KCNT2: variants seen among roughly 807,000 people sequenced by gnomAD.
KCNT2 encodes the protein potassium channel subfamily T member 2.
Under a neutral mutation model 153.8 loss-of-function variants are expected in KCNT2, and 67 were observed. The ratio of observed to expected loss-of-function variants is 0.44; its 90% CI spans 0.36 to 0.53. The LOEUF is 0.53. Ranked by LOEUF, KCNT2 falls within the 20% of genes least tolerant of loss-of-function variation. KCNT2 has a pLI of 0.00. For synonymous variants in KCNT2, 500 were observed against 458.8 expected, an observed-to-expected ratio of 1.09 and a Z score of -1.15; for missense variants, 975 against 1,354.8, an observed-to-expected ratio of 0.72 and a Z score of 4.40.
chr1:196,387,583 G>T (rs765480581), intron 13 of KCNT2, among the ~76,000 whole-genome samples: 36 of 152,002 alleles, frequency 2.4e-4, no homozygotes, highest in Non-Finnish European at 4.4e-4. Context: ...TCAGTCACAT[G>T]ATACTAAGAA....
chr1:196,551,184 G>T (rs1265418600), intron 1 of KCNT2, among the ~76,000 whole-genome samples: 1 of 151,742 alleles, frequency 6.6e-6, no homozygotes, highest in Middle Eastern at 3.2e-3. Flanking sequence ...GATATCCTCT[G>T]GGATCATTAA....
chr1:196,233,243 T>A (rs541829412), intron 27 of KCNT2, among the ~76,000 whole-genome samples: 29 of 151,588 alleles, frequency 1.9e-4, no homozygotes, highest in African/African-American at 6.5e-4. Flanking sequence ...CTAGCTTAAA[T>A]TGTTATTCAT....
intron 22 of KCNT2, among the ~76,000 whole-genome samples, chr1:196,289,816 T>A (rs1442431684): frequency 6.6e-6 from 1 of 152,120 alleles, no homozygotes; most frequent in African/African-American, 2.4e-5. Flanking sequence ...CTGAATTCAA[T>A]TGAAGTTTTA....
intron 19 of KCNT2, among the ~76,000 whole-genome samples, chr1:196,320,809 A>G (rs1166143335): frequency 1.3e-5 from 2 of 151,810 alleles, no homozygotes; most frequent in African/African-American, 4.8e-5. Flanking sequence ...ATGACCCAAT[A>G]GTATTACATC....
intron 22 of KCNT2, 81 bp downstream of exon 22, chr1:196,305,153 G>T: frequency 1.2e-6 from 1 of 810,888 alleles, no homozygotes; most frequent in Non-Finnish European, 2.1e-6. Flanking sequence ...CTATCTCATG[G>T]CATTTTTTTT....
At chr1:196,234,808 G>A (rs937843301) in intron 27 of KCNT2, among the ~76,000 whole-genome samples, 3 of 151,382 alleles carry the variant, frequency 2.0e-5, no homozygotes, top group Admixed American at 6.6e-5. Flanking sequence ...CTGGATTACA[G>A]ACACAAACAC....
chr1:196,530,705 A>G (rs1654823626), intron 1 of KCNT2, among the ~76,000 whole-genome samples: 1 of 152,142 alleles, frequency 6.6e-6, no homozygotes, highest in Admixed American at 6.5e-5. Context: ...CTGCATATGT[A>G]ATATAAATAC....
intron 2 of KCNT2, among the ~76,000 whole-genome samples, chr1:196,491,923 C>T (rs1001942533): frequency 6.6e-6 from 1 of 151,884 alleles, no homozygotes; most frequent in Non-Finnish European, 1.5e-5. Flanking sequence ...TTTGAAAATA[C>T]GATATTTAGA....
rs1442399376 is a variant in KCNT2, at chr1:196,284,259, A to ATG, written c.2697+1397_2697+1398insCA. On this transcript the variant is annotated intron_variant, in intron 23 of 27. Coordinates refer to ENST00000294725, the MANE Select transcript of KCNT2 (RefSeq NM_198503.5). Reference sequence around the variant, plus strand: ...AAAAAAAAAAAAAAAATATATATATATATATATATATATATATATAGTTCT... The same window carrying ATG: ...AAAAAAAAAAAAAAAATATATATATATGTATATATATATATATATATAGTTCT... Among the ~76,000 whole-genome samples, 14 of 70,264 alleles carry ATG rather than the reference A, an allele frequency of 2.0e-4. 2 individuals carry two copies. The highest frequency in any genetic ancestry group is 4.4e-4 in the African/African-American group (12 of 27,058). 46.1% of individuals were successfully genotyped at this position (70,264 alleles called of 152,430 possible). A position where few individuals can be genotyped will look rare whatever the true frequency, so the allele number is the denominator to read the frequency against.
intron 1 of KCNT2, among the ~76,000 whole-genome samples, chr1:196,512,010 C>G (rs1681674977): frequency 6.6e-6 from 1 of 152,120 alleles, no homozygotes; most frequent in Admixed American, 6.6e-5. Context: ...TTAACCAATT[C>G]CACCTCTCCA....
intron 22 of KCNT2, 86 bp from the exon 23 acceptor site, chr1:196,285,844 A>G: frequency 1.4e-6 from 1 of 738,792 alleles, no homozygotes; most frequent in Non-Finnish European, 2.4e-6. Flanking sequence ...GACATACGTA[A>G]AAAGTTCTCA....
intron 1 of KCNT2, among the ~76,000 whole-genome samples, chr1:196,503,534 A>G (rs538780139): frequency 6.6e-6 from 1 of 152,214 alleles, no homozygotes; most frequent in Non-Finnish European, 1.5e-5. Flanking sequence ...TCAAATGGGA[A>G]TATTTCACTA....
intron 25 of KCNT2, among the ~76,000 whole-genome samples, chr1:196,263,471 CACTGCG>C (rs1571839547): frequency 6.6e-6 from 1 of 151,998 alleles, no homozygotes; most frequent in East Asian, 1.9e-4. Context: ...GAACATCACA[CACTGCG>C]CCCTGTCATA....
Position 196,298,022 on chromosome 1 carries a change from A to G in KCNT2, c.2595+7212T>C, listed in dbSNP as rs549314507. Among the ~76,000 whole-genome samples the G allele has an allele frequency of 7.9e-5, 12 of 152,318 alleles. No homozygotes were observed. The South Asian group carries it at 2.3e-3, about 29-fold the overall frequency. ...TGCCTTCTTACTATTCTATAGTGAA[A>G]ATATATTGAAAAAATGACATTTTTA... On this transcript the variant is annotated intron_variant, in intron 22 of 27. Transcript: ENST00000294725.
At chr1:196,287,424 G>A (rs564746230) in intron 22 of KCNT2, among the ~76,000 whole-genome samples, 5 of 150,488 alleles carry the variant, frequency 3.3e-5, no homozygotes, top group African/African-American at 1.2e-4. Flanking sequence ...AGAATTTGAT[G>A]TTACATTTAC....
At chr1:196,498,891 C>T (rs987665028) in intron 1 of KCNT2, among the ~76,000 whole-genome samples, 1 of 152,140 alleles carries the variant, frequency 6.6e-6, no homozygotes, top group African/African-American at 2.4e-5. Flanking sequence ...TGAATTATGT[C>T]CCCCTAAAAG....
intron 1 of KCNT2, among the ~76,000 whole-genome samples, chr1:196,570,534 A>G (rs891927249): frequency 3.3e-5 from 5 of 152,106 alleles, no homozygotes; most frequent in African/African-American, 1.2e-4. Flanking sequence ...GCTTGAAACT[A>G]TGAGTAGAGA....
At chr1:196,409,033 A>AAAT in intron 12 of KCNT2, among the ~76,000 whole-genome samples, 1 of 150,126 alleles carries the variant, frequency 6.7e-6, no homozygotes, top group Non-Finnish European at 1.5e-5. Flanking sequence ...ATGTATATTG[A>AAAT]GGGTTTTTTT....
At chr1:196,235,442 A>AT (rs1176697831) in intron 27 of KCNT2, among the ~76,000 whole-genome samples, 1 of 151,460 alleles carries the variant, frequency 6.6e-6, no homozygotes, top group Non-Finnish European at 1.5e-5. Flanking sequence ...TTGCTATTAA[A>AT]TTTTTCATGT....
Sources: allele counts gnomAD v4.1 joint callset (sites outside exome capture counted in the v4.1 genomes callset), GRCh38; gene constraint gnomAD v4.1.1; transcripts MANE v1.5; gene names NCBI Gene and HGNC (gene_info 2026-07-23, HGNC 2026-07-21).